The following CD300A variants were observed in gnomAD, a reference collection of about 807,000 sequenced individuals.
CD300A encodes CMRF35-like molecule 8.
A neutral mutation model predicts 33.6 loss-of-function variants in CD300A; 22 were observed. The ratio of observed to expected loss-of-function variants is 0.66; its 90% CI spans 0.47 to 0.94. The LOEUF is 0.94. Among genes scored for constraint, CD300A ranks in the 40% least tolerant of loss-of-function variants. The pLI, the probability that CD300A is intolerant of heterozygous loss-of-function variation, is 0.00. For synonymous variants in CD300A, 136 were observed against 148.1 expected (o/e 0.92, Z 0.59); for missense variants, 326 against 360.5 (o/e 0.90, Z 0.77).
intron 5 of CD300A, 150 bp from the exon 6 acceptor site, chr17:74,481,576 A>G: frequency 1.5e-6 from 1 of 672,652 alleles, no homozygotes; most frequent in Admixed American, 2.5e-5. Context: ...GGGAACATTA[A>G]ACTACTGGAC....
In CD300A at chr17:74,480,694, G is replaced by T. The variant is rs1906779867; in HGVS notation, c.629-595G>T. ...AAACATTTGTGTGAGATCCCGTGTT[G>T]AGAGCTTGTTTTGGTCCCTCTCCTC... On this transcript the variant is annotated intron_variant, in intron 4 of 6. Transcript: ENST00000360141. This position sits in a 1 kb window ranked among gnomAD's most constrained non-coding sequence, Gnocchi z 4.2. Among the ~76,000 whole-genome samples the T allele has an allele frequency of 6.6e-6, 1 of 151,964 alleles. No individual in the cohort carries two copies. The highest frequency in any genetic ancestry group is 1.5e-5 in the Non-Finnish European group (1 of 68,024).
At chr17:74,469,584 G>A (rs1487081437) in intron 1 of CD300A, among the ~76,000 whole-genome samples, 1 of 152,160 alleles carries the variant, frequency 6.6e-6, no homozygotes, top group Non-Finnish European at 1.5e-5. Context: ...CAGCACTTTG[G>A]GAGGCCAAGG....
At chr17:74,474,409 G>C (rs1046568567) in intron 2 of CD300A, 123 bp from the exon 3 acceptor site, 5 of 947,658 alleles carry the variant, frequency 5.3e-6, no homozygotes, top group Non-Finnish European at 6.6e-6. Flanking sequence ...CTAGCCCCAG[G>C]GTCCTGCATC....
At chr17:74,477,977 T>C (rs1906590739) in intron 4 of CD300A, among the ~76,000 whole-genome samples, 1 of 152,160 alleles carries the variant, frequency 6.6e-6, no homozygotes, top group South Asian at 2.1e-4. Flanking sequence ...TCCCCCACCA[T>C]AAAAAGTCCA....
intron 6 of CD300A, 76 bp downstream of exon 6, chr17:74,481,909 G>A: frequency 9.9e-7 from 1 of 1,012,152 alleles, no homozygotes; most frequent in South Asian, 1.4e-5. Flanking sequence ...GTGGGCAGAA[G>A]GGGAAGGAAG....
At chr17:74,469,194 A>G (rs1905927158) in intron 1 of CD300A, among the ~76,000 whole-genome samples, 1 of 151,880 alleles carries the variant, frequency 6.6e-6, no homozygotes, top group African/African-American at 2.4e-5. Flanking sequence ...AAGGGAAAGA[A>G]TTTCTTAATA....
At chr17:74,473,417 G>C in intron 1 of CD300A, 119 bp from the exon 2 acceptor site, 1 of 904,448 alleles carries the variant, frequency 1.1e-6, no homozygotes, top group East Asian at 2.4e-5. Flanking sequence ...GGGTGGACAA[G>C]GCCTCTCTGC....
rs567559748 is a variant in CD300A at position 74,467,117 on chromosome 17, G to T, written c.40+374G>T. The stretch of plus-strand genomic sequence containing the variant: ...ACTGACTGCGAGGGGCATGTGGTGA[G>T]GGTGGGGGAGATGCCGGGCTCACTG... On this transcript the variant is annotated intron_variant, in intron 1 of 6. Coordinates refer to ENST00000360141, the MANE Select transcript of CD300A (RefSeq NM_007261.4). 1.7e-4 allele frequency: 99 copies of T among 592,216 alleles called. 3 individuals carry two copies. In the African/African-American group the frequency reaches 1.9e-3, roughly 11 times the overall value. The allele number at this position is 592,216 out of a possible 1,614,324, so 36.7% of individuals were successfully genotyped here.
chr17:74,474,739 C>A (rs1906352020), intron 3 of CD300A, 54 bp downstream of exon 3: 8 of 1,587,636 alleles, frequency 5.0e-6, no homozygotes, highest in Non-Finnish European at 6.0e-6. Flanking sequence ...AGAGGAGGAG[C>A]CCAGGGCGGG....
At chr17:74,477,561 A>C (rs1467785977) in intron 4 of CD300A, 31 bp downstream of exon 4, 11 of 1,515,776 alleles carry the variant, frequency 7.3e-6, no homozygotes, top group Middle Eastern at 2.1e-4. Context: ...CCTCTGCCCC[A>C]CCTGGGGTGG....
intron 1 of CD300A, chr17:74,467,033 T>C: frequency 7.7e-7 from 1 of 1,296,870 alleles, no homozygotes; most frequent in Non-Finnish European, 9.8e-7. Flanking sequence ...TTCAGTTGAA[T>C]TCTTACAGGA....
Position 74,480,894 on chromosome 17 carries a change from G to A in CD300A, c.629-395G>A, listed in dbSNP as rs1047236606. On this transcript the variant is annotated intron_variant, in intron 4 of 6. Transcript: ENST00000360141. This position sits in a 1 kb window ranked among gnomAD's most constrained non-coding sequence, Gnocchi z 4.2. Reference sequence around the variant, plus strand: ...TCCCAAGTAGCTGGGACTACAGGGCGTGTGCCACCATGCCCAGCTAATATT... The same window carrying A: ...TCCCAAGTAGCTGGGACTACAGGGCATGTGCCACCATGCCCAGCTAATATT... Among the ~76,000 whole-genome samples the A allele has an allele frequency of 5.9e-5, 9 of 152,112 alleles. No homozygotes were observed. Among genetic ancestry groups the A allele is most frequent in the East Asian group, 1.9e-4 (1 of 5,182 alleles).
At chr17:74,483,822 A>C (rs969920764) in intron 6 of CD300A, among the ~76,000 whole-genome samples, 179 bp from the exon 7 acceptor site, 5 of 152,120 alleles carry the variant, frequency 3.3e-5, no homozygotes, top group South Asian at 2.1e-4. Context: ...CTGCTTGCCC[A>C]GTTGGGGAGG....
chr17:74,475,236 T>G (rs866272232), intron 3 of CD300A, among the ~76,000 whole-genome samples: 7 of 152,190 alleles, frequency 4.6e-5, no homozygotes, highest in Non-Finnish European at 8.8e-5. Flanking sequence ...TGAGACTTAT[T>G]CACTACCACA....
Position 74,473,811 on chromosome 17 carries a change from G to A in CD300A, c.316G>A (p.Asp106Asn). ...TGCAGGCACCTACTGGTGTGGGGTG[G>A]ATACACCATGGCTCCGAGACTTTCA... ...EDAGTYWCGV[D>N]TPWLRDFHDP... The change falls in exon 2 of 7, where the codon GAT (aspartate) becomes AAT (asparagine). Residue 106 changes from aspartate to asparagine, a missense_variant. By Grantham distance (23) the Asp-to-Asn change is conservative. Coordinates refer to ENST00000360141, the MANE Select transcript of CD300A (RefSeq NM_007261.4). The A allele has an allele frequency of 6.2e-7, 1 of 1,614,200 alleles. No homozygotes were observed.
At position 74,473,655 on chromosome 17, in the gene CD300A, C is replaced by T. The variant is rs761265220; in HGVS notation, c.160C>T (p.Gln54Ter). The T allele has an allele frequency of 5.0e-6, 8 of 1,614,234 alleles. No homozygotes were observed. The South Asian group carries it at 8.8e-5, about 18-fold the overall frequency. The change falls in exon 2 of 7, where the codon CAG (glutamine) becomes TAG (stop). Residue 54 changes from glutamine to a stop codon, truncating the protein, a stop_gained. Transcript: ENST00000360141. LOFTEE classifies it high-confidence loss of function. ...TLNKYWCRPPQIFLCDKIVET... is the reference protein window; with the variant it reads ...TLNKYWCRPP ...CAACAAATACTGGTGCAGACCACCA[C>T]AGATTTTCCTATGTGACAAGATTGT...
At chr17:74,470,198 G>C in intron 1 of CD300A, 1 of 985,464 alleles carries the variant, frequency 1.0e-6, no homozygotes, top group Non-Finnish European at 1.2e-6. Flanking sequence ...AGAAAGCGCA[G>C]AAACACAAGC....
chr17:74,466,383 C>T (rs990121408), upstream of CD300A: 5 of 317,700 alleles, frequency 1.6e-5, no homozygotes, highest in African/African-American at 8.5e-5. Flanking sequence ...GGAGGAGACC[C>T]GGGGAAGTGA....
chr17:74,478,252 C>T (rs951216592), intron 4 of CD300A, among the ~76,000 whole-genome samples: 2 of 152,236 alleles, frequency 1.3e-5, no homozygotes, highest in Non-Finnish European at 1.5e-5. Flanking sequence ...CTTGGGGCCC[C>T]TCCTGGCTAT....
Sources: gnomAD v4.1 joint callset for allele counts (sites outside exome capture counted in the v4.1 genomes callset) on GRCh38, gnomAD v4.1.1 for gene constraint, Gnocchi (gnomAD v3.1) non-coding constraint, MANE v1.5 for transcripts, NCBI Gene and HGNC (gene_info 2026-07-23, HGNC 2026-07-21) for gene names.